The following DIXDC1 variants were observed in gnomAD, a reference collection of about 807,000 sequenced individuals.
DIXDC1 encodes DIX domain containing 1.
A neutral mutation model predicts 103.1 loss-of-function variants in DIXDC1; 64 were observed. The ratio of observed to expected loss-of-function variants is 0.62; its 90% CI spans 0.51 to 0.76. DIXDC1 has a LOEUF of 0.76. DIXDC1 is among the 30% of genes least tolerant of loss of function. DIXDC1 has a pLI of 0.00. For synonymous variants in DIXDC1, 266 were observed against 298.5 expected (o/e 0.89, Z 1.12); for missense variants, 759 against 834.2 (o/e 0.91, Z 1.11).
chr11:111,962,674 A>G (rs1859620655), intron 1 of DIXDC1, among the ~76,000 whole-genome samples: 1 of 152,174 alleles, frequency 6.6e-6, no homozygotes, highest in Non-Finnish European at 1.5e-5. Flanking sequence ...TTTGAGGATA[A>G]TTGGAGACAA....
chr11:111,934,272 A>G (rs1966127167), upstream of DIXDC1, among the ~76,000 whole-genome samples: 2 of 152,168 alleles, frequency 1.3e-5, no homozygotes, highest in Non-Finnish European at 2.9e-5. Context: ...TAAAAGCTCA[A>G]TTTTGCTATT....
At chr11:112,012,326 A>C (rs1444246528) in intron 17 of DIXDC1, among the ~76,000 whole-genome samples, 3 of 152,214 alleles carry the variant, frequency 2.0e-5, no homozygotes, top group Non-Finnish European at 4.4e-5. Context: ...TTAACTGTAA[A>C]GTTAGGGTAA....
rs1555168291 is a variant in DIXDC1 at position 111,937,465 on chromosome 11, T to C, written c.-35T>C. Reference sequence around the variant, plus strand: ...GAGGAGGCGGCGGCGGCCGCCGGGCTGGAGACCCCGCCCGGGGAGCCCCCA... The same window carrying C: ...GAGGAGGCGGCGGCGGCCGCCGGGCCGGAGACCCCGCCCGGGGAGCCCCCA... On this transcript the variant is annotated 5_prime_UTR_variant, in exon 1 of 20. Transcript: ENST00000440460. 6.4e-7 allele frequency: 1 copy of C among 1,561,186 alleles called. No homozygotes were observed. The highest frequency in any genetic ancestry group is 2.4e-5 in the East Asian group (1 of 41,584).
At chr11:111,950,432 A>ATT (rs1592553722) in intron 1 of DIXDC1, among the ~76,000 whole-genome samples, 1 of 21,202 alleles carries the variant, frequency 4.7e-5, no homozygotes, top group Non-Finnish European at 7.3e-5. Flanking sequence ...ATATATATAT[A>ATT]TATATATTTT....
chr11:112,008,938 G>T (rs1861324254), intron 17 of DIXDC1, among the ~76,000 whole-genome samples: 1 of 151,968 alleles, frequency 6.6e-6, no homozygotes, highest in African/African-American at 2.4e-5. Flanking sequence ...CTAGCAAAAG[G>T]CAAGAAATAA....
chr11:111,971,790 T>C (rs1484426661), intron 3 of DIXDC1, among the ~76,000 whole-genome samples: 2 of 149,456 alleles, frequency 1.3e-5, no homozygotes, highest in Non-Finnish European at 3.0e-5. Flanking sequence ...TATGCAGCTA[T>C]AAAAAAAAAA....
chr11:111,971,581 G>C (rs1228524045), intron 3 of DIXDC1, among the ~76,000 whole-genome samples: 1 of 152,170 alleles, frequency 6.6e-6, no homozygotes, highest in Non-Finnish European at 1.5e-5. Context: ...CCATTACTGG[G>C]TATATACCCA....
At chr11:111,929,094 G>C (rs587627006) in intron 1 of DIXDC1, among the ~76,000 whole-genome samples, 1 of 152,044 alleles carries the variant, frequency 6.6e-6, no homozygotes, top group African/African-American at 2.4e-5. Context: ...CAGGAGAATC[G>C]CTTGAACCTG....
intron 3 of DIXDC1, among the ~76,000 whole-genome samples, chr11:111,969,695 T>G (rs1859849699): frequency 6.6e-6 from 1 of 152,212 alleles, no homozygotes; most frequent in African/African-American, 2.4e-5. Context: ...TGATTGCCTT[T>G]GGGTCTCATG....
Position 111,974,892 on chromosome 11 carries a change from G to A in DIXDC1, c.565G>A (p.Glu189Lys). 2 of 1,613,646 alleles carry A rather than the reference G, an allele frequency of 1.2e-6. No individual in the cohort carries two copies. The highest frequency in any genetic ancestry group is 1.7e-6 in the Non-Finnish European group (2 of 1,179,804). ...TGACTTTAGGAACAGCAGCATGGATGAGGAAATTGAGAATCCATACTGGAG... is the reference window on the plus strand; with the variant it reads ...TGACTTTAGGAACAGCAGCATGGATAAGGAAATTGAGAATCCATACTGGAG... The part of the protein sequence containing the change: ...RYRQRNSSMD[E>K]EIENPYWSVR... Residue 189 changes from glutamate to lysine, a missense_variant, in exon 5 of 20, where the codon GAG becomes AAG. Physicochemically the swap from Glu to Lys is moderately conservative, Grantham distance 56 (BLOSUM62 1). Around this residue, in one of 3 missense-constraint regions of DIXDC1, gnomAD observed 657 missense variants for 727.5 expected, o/e 0.90. Transcript: ENST00000440460.
At chr11:112,016,606 T>G in intron 17 of DIXDC1, 85 bp from the exon 18 acceptor site, 3 of 1,184,826 alleles carry the variant, frequency 2.5e-6, no homozygotes, top group Non-Finnish European at 3.5e-6. Context: ...CAGGCAGCTT[T>G]GTTCTCCCGG....
In DIXDC1 at chr11:111,977,826, G is replaced by A. The variant is rs1297652490; in HGVS notation, c.656+2843G>A. 1.3e-6 allele frequency: 2 copies of A among 1,544,496 alleles called. No individual in the cohort carries two copies. Among genetic ancestry groups the A allele is most frequent in the Non-Finnish European group, 8.7e-7 (1 of 1,144,320 alleles). On this transcript the variant is annotated intron_variant, in intron 5 of 19. Coordinates refer to ENST00000440460, the MANE Select transcript of DIXDC1 (RefSeq NM_001037954.4). The surrounding 1 kb of genome is among the most constrained non-coding windows in gnomAD (Gnocchi z 6.1). ...TGAAGCCACTCTGGCTTTGGAAGTG[G>A]GGGGCCTGGGTGGGAACAGGGGCAG...
intron 1 of DIXDC1, chr11:111,929,761 T>C: frequency 8.4e-7 from 1 of 1,184,052 alleles, no homozygotes; most frequent in Non-Finnish European, 1.1e-6. Flanking sequence ...AGTTGAGCTT[T>C]AAATTTTTTT....
intron 5 of DIXDC1, among the ~76,000 whole-genome samples, chr11:111,978,563 A>G (rs1015711338): frequency 8.5e-5 from 13 of 152,108 alleles, no homozygotes; most frequent in Non-Finnish European, 1.2e-4. Flanking sequence ...GCGGGGATGG[A>G]TATCCAGACA....
Position 111,974,100 on chromosome 11 carries a change from A to G in DIXDC1, c.394A>G (p.Arg132Gly). 1 of 1,614,056 alleles carries G rather than the reference A, an allele frequency of 6.2e-7. No homozygotes were observed. The highest frequency in any genetic ancestry group is 1.3e-5 in the African/African-American group (1 of 75,062). Residue 132 changes from arginine (R) to glycine (G), a missense_variant, in exon 4 of 20, where the codon AGG becomes GGG. Physicochemically the swap from Arg to Gly is moderately radical, Grantham distance 125 (BLOSUM62 -2). Around this residue, in one of 3 missense-constraint regions of DIXDC1, gnomAD observed 657 missense variants for 727.5 expected, o/e 0.90. Transcript: ENST00000440460. ...AGCTCATTTCAAACCTGGCTCCAGCAGGACGGTGAACCAAGGACGGGACTC... is the reference window on the plus strand; with the variant it reads ...AGCTCATTTCAAACCTGGCTCCAGCGGGACGGTGAACCAAGGACGGGACTC... ...LAAHFKPGSSRTVNQGRDSRA... is the reference protein window; with the variant it reads ...LAAHFKPGSSGTVNQGRDSRA...
At chr11:111,939,273 G>A (rs1382585270) in intron 1 of DIXDC1, among the ~76,000 whole-genome samples, 2 of 152,190 alleles carry the variant, frequency 1.3e-5, no homozygotes, top group Admixed American at 1.3e-4. Context: ...TAAACTAAGA[G>A]GCTTGGCCGT....
intron 2 of DIXDC1, among the ~76,000 whole-genome samples, chr11:111,930,789 G>C (rs1057206606): frequency 6.6e-6 from 1 of 151,570 alleles, no homozygotes; most frequent in Non-Finnish European, 1.5e-5. Flanking sequence ...CTTGAGGCCA[G>C]GAGTTCAAGA....
At chr11:111,931,753 C>A (rs1018901788) in intron 2 of DIXDC1, among the ~76,000 whole-genome samples, 1 of 152,212 alleles carries the variant, frequency 6.6e-6, no homozygotes, top group Non-Finnish European at 1.5e-5. Context: ...TTGTATACAT[C>A]TTTCAGAAGG....
intron 17 of DIXDC1, among the ~76,000 whole-genome samples, chr11:112,004,997 C>T (rs1313972563): frequency 1.3e-5 from 2 of 152,102 alleles, no homozygotes; most frequent in Admixed American, 6.5e-5. Context: ...AAGAGAAAAA[C>T]GAAGCCACTG....
Sources: gnomAD v4.1 joint callset for allele counts (sites outside exome capture counted in the v4.1 genomes callset) on GRCh38, gnomAD v4.1.1 for gene constraint, gnomAD v4.1.1 regional missense constraint, Gnocchi (gnomAD v3.1) non-coding constraint, MANE v1.5 for transcripts, NCBI Gene and HGNC (gene_info 2026-07-23, HGNC 2026-07-21) for gene names.